Variants in PCCA observed in about 807,000 individuals in gnomAD.
PCCA encodes the protein propionyl-CoA carboxylase alpha chain, mitochondrial.
PCCA carries 74 observed loss-of-function variants against 101.3 expected under a neutral mutation model. The observed-to-expected ratio is 0.73, with a 90% CI of 0.61 to 0.89. PCCA has a LOEUF of 0.89. Ranked by LOEUF, PCCA falls within the 40% of genes least tolerant of loss-of-function variation. The probability of loss-of-function intolerance (pLI) is 0.00; values close to 1 mark genes in which losing one functional copy is unlikely to be tolerated. For missense variants in PCCA, 891 were observed against 907.0 expected (o/e 0.98, Z 0.23); for synonymous variants, 294 against 313.6 (o/e 0.94, Z 0.66).
intron 4 of PCCA, chr13:100,151,119 C>T: frequency 1.4e-5 from 16 of 1,155,772 alleles, no homozygotes; most frequent in Non-Finnish European, 2.0e-5. Flanking sequence ...ATGGCTGCTG[C>T]CAGACGGAAG....
In PCCA at chr13:100,463,336, G is replaced by GTT. The variant is rs574359198; in HGVS notation, c.1899+14053_1899+14054dup. ...AGAGGTGGTTGGTTTTATTGGTGTG[G>GTT]TTTTTTTTTTTTTTTTTTTTTTTGA... On this transcript the variant is annotated intron_variant, in intron 21 of 23. Coordinates refer to ENST00000376285, the MANE Select transcript of PCCA (RefSeq NM_000282.4). 6.3e-3 allele frequency among the ~76,000 whole-genome samples: 723 copies of GTT among 114,276 alleles called. 9 individuals carry two copies. The highest frequency in any genetic ancestry group is 0.023 in the African/African-American group (665 of 29,152). The allele number at this position is 114,276 out of a possible 152,430, so 75.0% of individuals were successfully genotyped here. A position where few individuals can be genotyped will look rare whatever the true frequency, so the allele number is the denominator to read the frequency against.
intron 19 of PCCA, among the ~76,000 whole-genome samples, chr13:100,381,123 G>A (rs143831035): frequency 0.014 from 2,076 of 152,276 alleles, 49 homozygotes; most frequent in African/African-American, 0.048. Context: ...GGTGGCTCAC[G>A]CCTGTAATCC....
At chr13:100,209,788 T>C (rs113566641) in intron 7 of PCCA, among the ~76,000 whole-genome samples, 1 of 151,918 alleles carries the variant, frequency 6.6e-6, no homozygotes, top group African/African-American at 2.4e-5. Flanking sequence ...CCTGCCACCA[T>C]GCCCAGCTAA....
At chr13:100,221,494 C>G (rs535764576) in intron 7 of PCCA, among the ~76,000 whole-genome samples, 2 of 152,122 alleles carry the variant, frequency 1.3e-5, no homozygotes, top group East Asian at 1.9e-4. Flanking sequence ...GAATTTGCAG[C>G]CTCTGTTCTA....
chr13:100,228,773 G>C (rs2060296682), intron 7 of PCCA, among the ~76,000 whole-genome samples: 1 of 151,582 alleles, frequency 6.6e-6, no homozygotes, highest in Non-Finnish European at 1.5e-5. Flanking sequence ...GGTGGTGTGT[G>C]CCTATAATCC....
At chr13:100,293,170 C>G (rs772619327) in intron 12 of PCCA, 4 of 469,826 alleles carry the variant, frequency 8.5e-6, no homozygotes, top group Non-Finnish European at 1.8e-5. Flanking sequence ...GACAGGTAAA[C>G]TGTCCCACTT....
chr13:100,285,018 A>T (rs116301368), intron 12 of PCCA, among the ~76,000 whole-genome samples: 1 of 152,206 alleles, frequency 6.6e-6, no homozygotes, highest in African/African-American at 2.4e-5. Context: ...CAAGGTGTCT[A>T]GGTCGAAGGC....
chr13:100,332,059 G>T lies in PCCA; in HGVS notation c.1540+1388G>T, dbSNP rs964907333. ...TTTCAAGCGATTCTCCTGCCGCAGC[G>T]TCCCAAGTAGTTGGGATTACAGGCA... On this transcript the variant is annotated intron_variant, in intron 17 of 23. Transcript: ENST00000376285. 4.6e-5 allele frequency among the ~76,000 whole-genome samples: 7 copies of T among 150,664 alleles called. No homozygotes were observed. The South Asian group carries it at 8.4e-4, about 18-fold the overall frequency.
chr13:100,440,445 T>C (rs983134387), intron 20 of PCCA, among the ~76,000 whole-genome samples: 2 of 151,582 alleles, frequency 1.3e-5, no homozygotes, highest in African/African-American at 2.4e-5. Context: ...AAGTTAAAAA[T>C]GTTATTTTCT....
intron 19 of PCCA, among the ~76,000 whole-genome samples, chr13:100,378,428 C>T (rs2152825001): frequency 6.6e-6 from 1 of 152,310 alleles, no homozygotes; most frequent in African/African-American, 2.4e-5. Flanking sequence ...TGCATTGAAT[C>T]TGGTTGAGGA....
intron 6 of PCCA, among the ~76,000 whole-genome samples, chr13:100,171,767 T>G (rs1409017090): frequency 6.6e-6 from 1 of 151,850 alleles, no homozygotes; most frequent in Non-Finnish European, 1.5e-5. Flanking sequence ...GCGCGGTGGC[T>G]CACGCCTGTA....
chr13:100,414,242 GAAAT>G (rs1430642035), intron 19 of PCCA, among the ~76,000 whole-genome samples: 7 of 152,124 alleles, frequency 4.6e-5, no homozygotes, highest in African/African-American at 1.4e-4. Context: ...ATTTGGGAGA[GAAAT>G]AAAAGGCTGT....
At chr13:100,249,417 A>G (rs2061631361) in intron 8 of PCCA, among the ~76,000 whole-genome samples, 1 of 152,170 alleles carries the variant, frequency 6.6e-6, no homozygotes, top group Admixed American at 6.5e-5. Flanking sequence ...GTGTGGGTCT[A>G]CTTCTGGGCT....
At chr13:100,145,161 A>G (rs143542764) in intron 4 of PCCA, among the ~76,000 whole-genome samples, 5 of 152,390 alleles carry the variant, frequency 3.3e-5, no homozygotes, top group African/African-American at 1.2e-4. Flanking sequence ...CACATATGGT[A>G]TAATGATACC....
At chr13:100,183,120 G>T (rs1261146318) in intron 6 of PCCA, among the ~76,000 whole-genome samples, 1 of 152,090 alleles carries the variant, frequency 6.6e-6, no homozygotes, top group Non-Finnish European at 1.5e-5. Flanking sequence ...CACATAAAGG[G>T]TCTGTGTGTG....
At chr13:100,457,024 G>A (rs866879213) in intron 21 of PCCA, among the ~76,000 whole-genome samples, 1 of 152,012 alleles carries the variant, frequency 6.6e-6, no homozygotes, top group African/African-American at 2.4e-5. Context: ...GCCCTCATGC[G>A]GGCGTGACAG....
At position 100,469,819 on chromosome 13, in the gene PCCA, T is replaced by C. The variant is rs146221248; in HGVS notation, c.1899+20514T>C. 3.3e-5 allele frequency among the ~76,000 whole-genome samples: 5 copies of C among 152,200 alleles called. 1 individual carries two copies. The highest frequency in any genetic ancestry group is 1.9e-4 in the East Asian group (1 of 5,170). Reference sequence around the variant, plus strand: ...AAAACAAAACAAAACAAAAAAAGTTTGATGGCGTGTGAGTTTACTGGTGCA... The same window carrying C: ...AAAACAAAACAAAACAAAAAAAGTTCGATGGCGTGTGAGTTTACTGGTGCA... On this transcript the variant is annotated intron_variant, in intron 21 of 23. Coordinates refer to ENST00000376285, the MANE Select transcript of PCCA (RefSeq NM_000282.4).
At chr13:100,466,116 C>T (rs1234165824) in intron 21 of PCCA, 1 of 152,226 alleles carries the variant, frequency 6.6e-6, no homozygotes, top group East Asian at 1.9e-4. Flanking sequence ...TTTGGGTATA[C>T]AGTGCGTGTG....
At chr13:100,331,781 T>A (rs1212512992) in intron 17 of PCCA, among the ~76,000 whole-genome samples, 3 of 152,066 alleles carry the variant, frequency 2.0e-5, no homozygotes, top group Non-Finnish European at 2.9e-5. Context: ...ACTATTCTTT[T>A]AATATTTGTT....
Sources: allele counts gnomAD v4.1 joint callset (sites outside exome capture counted in the v4.1 genomes callset), GRCh38; gene constraint gnomAD v4.1.1; transcripts MANE v1.5; gene names NCBI Gene and HGNC (gene_info 2026-07-23, HGNC 2026-07-21).